The following SIPA1L2 variants were observed in gnomAD, a reference collection of about 807,000 sequenced individuals.
The protein encoded by SIPA1L2 is signal-induced proliferation-associated 1-like protein 2.
In SIPA1L2, 56 loss-of-function variants were observed where a neutral mutation model predicts 163.9. That is an observed-to-expected ratio of 0.34 (90% CI 0.28 to 0.43). The LOEUF is 0.43. Ranked by LOEUF, SIPA1L2 falls within the 20% of genes least tolerant of loss-of-function variation. SIPA1L2 has a pLI of 1.00. For missense variants in SIPA1L2, 1,974 were observed against 2,193.5 expected (o/e 0.90, Z 2.00); for synonymous variants, 877 against 865.7 (o/e 1.01, Z -0.23).
At chr1:232,412,738 C>G (rs992056308) in intron 19 of SIPA1L2, among the ~76,000 whole-genome samples, 1 of 152,196 alleles carries the variant, frequency 6.6e-6, no homozygotes, top group Non-Finnish European at 1.5e-5. Context: ...AAGCTGGCTA[C>G]TGTCTCACCA....
chr1:232,572,734 CATACATATATATATATATATATAT>C (rs1659833008), intron 2 of SIPA1L2, among the ~76,000 whole-genome samples: 2 of 67,338 alleles, frequency 3.0e-5, no homozygotes, highest in African/African-American at 9.4e-5. Flanking sequence ...TATATACATA[CATACATATATATATATATATATAT>C]ATATATATAT....
chr1:232,435,915 T>C (rs1662533719), intron 15 of SIPA1L2, among the ~76,000 whole-genome samples: 1 of 152,192 alleles, frequency 6.6e-6, no homozygotes, highest in South Asian at 2.1e-4. Context: ...CTTGGAATCA[T>C]GCCATATACA....
At chr1:232,610,195 T>C (rs1189349362) in intron 1 of SIPA1L2, among the ~76,000 whole-genome samples, 1 of 152,246 alleles carries the variant, frequency 6.6e-6, no homozygotes, top group Admixed American at 6.5e-5. Context: ...TATCTCTTCA[T>C]GTTTTTTTAA....
chr1:232,533,944 T>C (rs1327067413), intron 2 of SIPA1L2, among the ~76,000 whole-genome samples: 1 of 152,118 alleles, frequency 6.6e-6, no homozygotes, highest in Non-Finnish European at 1.5e-5. Flanking sequence ...ACGTAATACT[T>C]TTAAAATGTC....
At chr1:232,421,327 C>T (rs912731844) in intron 18 of SIPA1L2, among the ~76,000 whole-genome samples, 4 of 152,184 alleles carry the variant, frequency 2.6e-5, no homozygotes, top group South Asian at 2.1e-4. Context: ...CCTGCTCAAG[C>T]GACATTGATC....
intron 3 of SIPA1L2, among the ~76,000 whole-genome samples, chr1:232,506,642 A>G (rs1666743815): frequency 6.6e-6 from 1 of 152,328 alleles, no homozygotes; most frequent in African/African-American, 2.4e-5. Flanking sequence ...CATACAACAT[A>G]TTATTCTTCA....
In SIPA1L2 at chr1:232,465,517, TACACAC is replaced by T. The variant is rs71162242; in HGVS notation, c.2244-107_2244-102del. 7.1e-6 allele frequency: 4 copies of T among 562,908 alleles called. No individual in the cohort carries two copies. In the East Asian group the frequency reaches 1.2e-4, roughly 17 times the overall value. 34.9% of individuals were successfully genotyped at this position (562,908 alleles called of 1,614,324 possible). ...ATATACACACACACACACATATACA[TACACAC>T]ACACACACACATATACATACACACA... On this transcript the variant is annotated intron_variant, in intron 8 of 22. Coordinates refer to ENST00000674635, the MANE Select transcript of SIPA1L2 (RefSeq NM_020808.5). This position sits in a 1 kb window ranked among gnomAD's most constrained non-coding sequence, Gnocchi z 4.1.
intron 2 of SIPA1L2, among the ~76,000 whole-genome samples, chr1:232,541,935 A>ATCTCTCTCTCTC (rs59407464): frequency 0.016 from 2,424 of 148,268 alleles, 59 homozygotes; most frequent in African/African-American, 0.051. Context: ...TGAGCCTTAA[A>ATCTCTCTCTCTC]TCTCTCTCTC....
chr1:232,591,583 T>G (rs1244384749), intron 1 of SIPA1L2, among the ~76,000 whole-genome samples: 1 of 152,256 alleles, frequency 6.6e-6, no homozygotes. Flanking sequence ...TGCCTTTTGT[T>G]GTGTGTTGCC....
At chr1:232,629,414 C>G (rs1174397640) in intron 1 of SIPA1L2, among the ~76,000 whole-genome samples, 1 of 152,198 alleles carries the variant, frequency 6.6e-6, no homozygotes, top group Non-Finnish European at 1.5e-5. Flanking sequence ...GGTGAGGGCG[C>G]GCGCTCCGGG....
Position 232,465,390 on chromosome 1 carries a change from A to C in SIPA1L2, c.2270T>G (p.Val757Gly). ...YSVGVSRSKD[V>G]PPFGPPIPKG... The stretch of plus-strand genomic sequence containing the variant: ...GGGAATCGGTGGGCCAAATGGTGGC[A>C]CATCTTTTGATCTGGAAACTCCAAC... The change falls in exon 9 of 23, where the codon GTG (valine) becomes GGG (glycine). Residue 757 changes from valine (V) to glycine (G), a missense_variant. Val to Gly is a moderately radical substitution (Grantham distance 109, BLOSUM62 -3). Around this residue, in one of 3 missense-constraint regions of SIPA1L2, gnomAD observed 288 missense variants for 418.9 expected, o/e 0.69. Transcript: ENST00000674635. This position sits in a 1 kb window ranked among gnomAD's most constrained non-coding sequence, Gnocchi z 4.1. 1 of 1,610,906 alleles carries C rather than the reference A, an allele frequency of 6.2e-7. No individual in the cohort carries two copies. Among genetic ancestry groups the C allele is most frequent in the Non-Finnish European group, 8.5e-7 (1 of 1,177,544 alleles).
chr1:232,432,208 G>T, intron 16 of SIPA1L2, 39 bp downstream of exon 16: 1 of 1,565,524 alleles, frequency 6.4e-7, no homozygotes, highest in East Asian at 2.3e-5. Context: ...TCCCTACAGT[G>T]AAAAATGCTG....
intron 19 of SIPA1L2, among the ~76,000 whole-genome samples, chr1:232,411,844 T>C (rs1660976151): frequency 6.6e-6 from 1 of 152,210 alleles, no homozygotes; most frequent in Admixed American, 6.5e-5. Flanking sequence ...ATAATTATTA[T>C]TACAGTAACA....
Position 232,465,488 on chromosome 1 carries a change from A to C in SIPA1L2, c.2244-72T>G. On this transcript the variant is annotated intron_variant, in intron 8 of 22. Coordinates refer to ENST00000674635, the MANE Select transcript of SIPA1L2 (RefSeq NM_020808.5). This position sits in a 1 kb window ranked among gnomAD's most constrained non-coding sequence, Gnocchi z 4.1. ...TAATATGTATCTTTCCGAATTTGAC[A>C]TATATATACACACACACACACATAT... 9.0e-7 allele frequency: 1 copy of C among 1,116,080 alleles called. No homozygotes were observed. The highest frequency in any genetic ancestry group is 1.6e-5 in the African/African-American group (1 of 63,492). 69.1% of individuals were successfully genotyped at this position (1,116,080 alleles called of 1,614,324 possible).
chr1:232,588,805 A>T lies in SIPA1L2; in HGVS notation c.-318-14583T>A, dbSNP rs536975522. 2.2e-4 allele frequency among the ~76,000 whole-genome samples: 34 copies of T among 152,374 alleles called. No homozygotes were observed. The South Asian group carries it at 6.2e-3, about 28-fold the overall frequency. On this transcript the variant is annotated intron_variant, in intron 1 of 22. Coordinates refer to ENST00000674635, the MANE Select transcript of SIPA1L2 (RefSeq NM_020808.5). ...AGCCAGATATTAAAGATATTCGCAA[A>T]AAATAACGAAGCATACTTCTCAATA...
intron 4 of SIPA1L2, among the ~76,000 whole-genome samples, chr1:232,492,986 C>T (rs983934182): frequency 5.3e-5 from 8 of 151,972 alleles, no homozygotes; most frequent in Non-Finnish European, 7.4e-5. Context: ...GTGTCCCTGC[C>T]CAAATCTCAT....
At chr1:232,624,097 C>A (rs1431864534) in intron 1 of SIPA1L2, among the ~76,000 whole-genome samples, 1 of 151,898 alleles carries the variant, frequency 6.6e-6, no homozygotes, top group Admixed American at 6.6e-5. Flanking sequence ...TATACATATA[C>A]ACACACACAA....
chr1:232,525,396 T>C (rs1433736856), intron 2 of SIPA1L2, among the ~76,000 whole-genome samples: 1 of 142,598 alleles, frequency 7.0e-6, no homozygotes, highest in Non-Finnish European at 1.5e-5. Context: ...CCACCAAGCC[T>C]GGCTATTTTT....
At chr1:232,500,265 A>G (rs1036844058) in intron 3 of SIPA1L2, among the ~76,000 whole-genome samples, 1 of 152,258 alleles carries the variant, frequency 6.6e-6, no homozygotes, top group Non-Finnish European at 1.5e-5. Context: ...CTAACACCAC[A>G]TTCATTCTGT....
Sources: gnomAD v4.1 joint callset for allele counts (sites outside exome capture counted in the v4.1 genomes callset) on GRCh38, gnomAD v4.1.1 for gene constraint, gnomAD v4.1.1 regional missense constraint, Gnocchi (gnomAD v3.1) non-coding constraint, MANE v1.5 for transcripts, NCBI Gene and HGNC (gene_info 2026-07-23, HGNC 2026-07-21) for gene names.